Variants in UGT1A5 observed in about 807,000 individuals in gnomAD.
UGT1A5 encodes UDP-glucuronosyltransferase 1A5.
In UGT1A5, 29 loss-of-function variants were observed where a neutral mutation model predicts 40.3. The ratio of observed to expected loss-of-function variants is 0.72; its 90% confidence interval spans 0.54 to 0.98. UGT1A5 has a LOEUF of 0.98. Among genes scored for constraint, UGT1A5 ranks in the 50% least tolerant of loss-of-function variants. The pLI is 0.00. For missense variants in UGT1A5, 678 were observed against 677.9 expected, an observed-to-expected ratio of 1.00 and a Z score of 0.00; for synonymous variants, 257 against 262.5, an observed-to-expected ratio of 0.98 and a Z score of 0.20.
intron 1 of UGT1A5, chr2:233,747,772 G>C (rs1693773071): frequency 6.2e-7 from 1 of 1,613,364 alleles, no homozygotes; most frequent in Non-Finnish European, 8.5e-7. Context: ...GGCACACAGT[G>C]TCCAAATCCT....
At position 233,741,549 on chromosome 2, in the gene UGT1A5, A is replaced by G. The variant is rs1414651717; in HGVS notation, c.868-25485A>G. 1.3e-5 allele frequency: 2 copies of G among 151,888 alleles called. 1 individual carries two copies. The highest frequency in any genetic ancestry group is 4.9e-5 in the African/African-American group (2 of 41,148). 9.4% of individuals were successfully genotyped at this position (151,888 alleles called of 1,614,324 possible). A position where few individuals can be genotyped will look rare whatever the true frequency, so the allele number is the denominator to read the frequency against. ...TCTGTCTTATTCTGATACTTCTTTT[A>G]TGGTTATTGTATGAGAATCAACTAC... On this transcript the variant is annotated intron_variant, in intron 1 of 4. Transcript: ENST00000373414.
intron 1 of UGT1A5, chr2:233,747,713 T>A (rs1051640547): frequency 6.2e-7 from 1 of 1,613,024 alleles, no homozygotes; most frequent in African/African-American, 1.3e-5. Context: ...ACCTATCAAT[T>A]CCTGCTGTGT....
At chr2:233,768,098 G>A in intron 3 of UGT1A5, 122 bp from the exon 4 acceptor site, 1 of 1,590,736 alleles carries the variant, frequency 6.3e-7, no homozygotes, top group Non-Finnish European at 8.6e-7. Context: ...ATTTTCTTCT[G>A]CAAATTTCTG....
In UGT1A5 at chr2:233,713,305, ATCT is replaced by A. The variant is rs761507156; in HGVS notation, c.318_320del (p.Leu107del). 2 of 1,614,274 alleles carry A rather than the reference ATCT, an allele frequency of 1.2e-6. No homozygotes were observed. The highest frequency in any genetic ancestry group is 1.7e-6 in the Non-Finnish European group (2 of 1,180,048). On this transcript the variant is annotated inframe_deletion, in exon 1 of 5. Coordinates refer to ENST00000373414, the MANE Select transcript of UGT1A5 (RefSeq NM_019078.2). ...ACTCAATCGTTCTTTGAAACAGAAC[ATCT>A]TCTGATGAAATTTTCTAGAAGAATG...
At position 233,772,425 on chromosome 2, in the gene UGT1A5, G is replaced by A; in HGVS notation, c.1471G>A (p.Asp491Asn). The change falls in exon 5 of 5, where the codon GAC (aspartate) becomes AAC (asparagine). Residue 491 changes from aspartate (D) to asparagine (N), a missense_variant. By Grantham distance (23) the Asp-to-Asn change is conservative (BLOSUM62 1). Transcript: ENST00000373414. Reference protein sequence around the residue: ...DLTWYQYHSLDVIGFLLAVVL... With the variant: ...DLTWYQYHSLNVIGFLLAVVL... ...CACCTGGTACCAGTACCATTCCTTG[G>A]ACGTGATTGGTTTCCTCTTGGCCGT... 1.2e-6 allele frequency: 2 copies of A among 1,614,224 alleles called. No individual in the cohort carries two copies. Among genetic ancestry groups the A allele is most frequent in the Non-Finnish European group, 1.7e-6 (2 of 1,180,044 alleles).
chr2:233,736,925 G>A lies in UGT1A5; in HGVS notation c.867+23067G>A, dbSNP rs188632907. Among the ~76,000 whole-genome samples, 72 of 152,232 alleles carry A rather than the reference G, an allele frequency of 4.7e-4. 1 individual carries two copies. The Middle Eastern group carries it at 0.014, about 29-fold the overall frequency. On this transcript the variant is annotated intron_variant, in intron 1 of 4. Coordinates refer to ENST00000373414, the MANE Select transcript of UGT1A5 (RefSeq NM_019078.2). ...CCTCTGGAAGCTTCATACCAGAGGC[G>A]CACCCACCTATATGAGGTGTCTGTT...
intron 1 of UGT1A5, among the ~76,000 whole-genome samples, chr2:233,764,766 A>C (rs1389982241): frequency 6.6e-6 from 1 of 152,156 alleles, no homozygotes; most frequent in Non-Finnish European, 1.5e-5. Flanking sequence ...CTAGGGAGGA[A>C]GGAGTTCAGA....
At chr2:233,763,527 CT>C (rs1248792225) in intron 1 of UGT1A5, among the ~76,000 whole-genome samples, 2 of 152,146 alleles carry the variant, frequency 1.3e-5, no homozygotes, top group African/African-American at 4.8e-5. Context: ...TGCCATTCTC[CT>C]TTTTCCGGAT....
chr2:233,721,860 C>T (rs2076977030), intron 1 of UGT1A5: 1 of 507,874 alleles, frequency 2.0e-6, no homozygotes, highest in Non-Finnish European at 3.9e-6. Flanking sequence ...ACTGCTCGGC[C>T]CTGGGCACAC....
chr2:233,760,503 A>G, intron 1 of UGT1A5: 1 of 1,614,262 alleles, frequency 6.2e-7, no homozygotes, highest in Non-Finnish European at 8.5e-7. Flanking sequence ...GAGACGGAGC[A>G]TTTTACACCT....
chr2:233,743,705 G>C (rs756391897), intron 1 of UGT1A5: 3 of 1,367,306 alleles, frequency 2.2e-6, no homozygotes, highest in South Asian at 1.1e-5. Flanking sequence ...CTCCGCCCCC[G>C]CCTCGCCATA....
At chr2:233,737,732 C>A (rs569109147) in intron 1 of UGT1A5, among the ~76,000 whole-genome samples, 1 of 151,490 alleles carries the variant, frequency 6.6e-6, no homozygotes, top group African/African-American at 2.4e-5. Flanking sequence ...TTTTTTTTTC[C>A]TTTTCTCTTC....
Position 233,719,416 on chromosome 2 carries a change from C to T in UGT1A5, c.867+5558C>T, listed in dbSNP as rs538242607. ...TCCTCCTATATTCCTAAGTTACTAA[C>T]GACCAATTCAGACCACATGACATTC... is the stretch of plus-strand genomic sequence containing the variant. On this transcript the variant is annotated intron_variant, in intron 1 of 4. Coordinates refer to ENST00000373414, the MANE Select transcript of UGT1A5 (RefSeq NM_019078.2). The T allele has an allele frequency of 6.1e-5, 98 of 1,613,984 alleles. 1 individual carries two copies. The Admixed American group carries it at 9.0e-4, about 15-fold the overall frequency.
chr2:233,725,142 G>A (rs181617719), intron 1 of UGT1A5, among the ~76,000 whole-genome samples: 1 of 130,406 alleles, frequency 7.7e-6, no homozygotes, highest in Non-Finnish European at 1.6e-5. Flanking sequence ...CAGCAGTACA[G>A]TCCAGCTTCG....
At chr2:233,729,583 C>T (rs1274615489) in intron 1 of UGT1A5, 17 of 1,613,918 alleles carry the variant, frequency 1.1e-5, no homozygotes, top group Non-Finnish European at 1.4e-5. Flanking sequence ...TTTAACAGAC[C>T]CCGTTAACCT....
At chr2:233,755,032 C>G (rs753512191) in intron 1 of UGT1A5, 1 of 1,314,500 alleles carries the variant, frequency 7.6e-7, no homozygotes, top group South Asian at 1.1e-5. Flanking sequence ...AAGGGCCTGC[C>G]GCCTGCGCAG....
rs1328380095 is a variant in UGT1A5, at chr2:233,769,540, G to A, written c.1307+1101G>A. On this transcript the variant is annotated intron_variant, in intron 4 of 4. Coordinates refer to ENST00000373414, the MANE Select transcript of UGT1A5 (RefSeq NM_019078.2). The surrounding 1 kb of genome is among the most constrained non-coding windows in gnomAD (Gnocchi z 4.4). ...TGGTTACCTCCTTTAGAAAGAAGCA[G>A]CAGTCAGGAAGACAGATGTGAAGAG... The A allele has an allele frequency of 1.9e-6, 3 of 1,612,926 alleles. No homozygotes were observed. In the South Asian group the frequency reaches 3.3e-5, roughly 18 times the overall value.
chr2:233,713,481 T>C lies in UGT1A5; in HGVS notation c.490T>C (p.Tyr164His), dbSNP rs1386809200. ...CCTCTGCGCGGCGGTGCTGGCTAAG[T>C]ACCTGTCGATTCCTGCTGTGTTTTT... ...FHLCAAVLAK[Y>H]LSIPAVFFLR... Residue 164 changes from tyrosine to histidine, a missense_variant, in exon 1 of 5, where the codon TAC becomes CAC. Physicochemically the swap from Tyr to His is moderately conservative, Grantham distance 83 (BLOSUM62 2). Coordinates refer to ENST00000373414, the MANE Select transcript of UGT1A5 (RefSeq NM_019078.2). 3.1e-6 allele frequency: 5 copies of C among 1,614,080 alleles called. No individual in the cohort carries two copies. The highest frequency in any genetic ancestry group is 4.2e-6 in the Non-Finnish European group (5 of 1,179,954).
chr2:233,726,672 G>T (rs1443566236), intron 1 of UGT1A5, among the ~76,000 whole-genome samples: 1 of 152,112 alleles, frequency 6.6e-6, no homozygotes, highest in Non-Finnish European at 1.5e-5. Context: ...TATCTGTGAA[G>T]TCTCTTCCAC....
Sources: allele counts gnomAD v4.1 joint callset (sites outside exome capture counted in the v4.1 genomes callset), GRCh38; gene constraint gnomAD v4.1.1; non-coding constraint Gnocchi (gnomAD v3.1); transcripts MANE v1.5; gene names NCBI Gene and HGNC (gene_info 2026-07-23, HGNC 2026-07-21).